Variants in ITGA9 observed in about 807,000 individuals in gnomAD.
The protein encoded by ITGA9 is integrin alpha-9.
In ITGA9, 56 loss-of-function variants were observed where a neutral mutation model predicts 127.8. The ratio of observed to expected loss-of-function variants is 0.44; its 90% CI spans 0.35 to 0.55. ITGA9 has a LOEUF of 0.55. Among genes scored for constraint, ITGA9 ranks in the 20% least tolerant of loss-of-function variants. The pLI is 0.00. For synonymous variants in ITGA9, 508 were observed against 514.5 expected, an observed-to-expected ratio of 0.99 and a Z score of 0.17; for missense variants, 1,196 against 1,347.1, an observed-to-expected ratio of 0.89 and a Z score of 1.76.
chr3:37,663,808 C>T (rs1388298579), intron 17 of ITGA9, among the ~76,000 whole-genome samples: 1 of 152,164 alleles, frequency 6.6e-6, no homozygotes, highest in Non-Finnish European at 1.5e-5. Context: ...TAACCTTGAG[C>T]AAGTTGCTTA....
At chr3:37,639,764 A>C (rs1700314643) in intron 16 of ITGA9, among the ~76,000 whole-genome samples, 1 of 152,044 alleles carries the variant, frequency 6.6e-6, no homozygotes, top group Admixed American at 6.5e-5. Context: ...AGTCTGTGTG[A>C]TACCCCCCAG....
intron 3 of ITGA9, among the ~76,000 whole-genome samples, chr3:37,478,204 C>T (rs970068459): frequency 6.6e-6 from 1 of 152,176 alleles, no homozygotes; most frequent in African/African-American, 2.4e-5. Flanking sequence ...TGCTCCCCAC[C>T]ACACACCATT....
At chr3:37,784,581 A>C (rs1697016081) in intron 25 of ITGA9, among the ~76,000 whole-genome samples, 1 of 152,228 alleles carries the variant, frequency 6.6e-6, no homozygotes, top group South Asian at 2.1e-4. Flanking sequence ...ATGCCTATAA[A>C]ATGTAGATCA....
At chr3:37,472,232 C>T (rs916790453) in intron 2 of ITGA9, among the ~76,000 whole-genome samples, 10 of 152,152 alleles carry the variant, frequency 6.6e-5, no homozygotes, top group African/African-American at 9.7e-5. Context: ...ATACCTACCT[C>T]GCAAGGATGG....
At chr3:37,523,921 C>T (rs577116417) in intron 12 of ITGA9, among the ~76,000 whole-genome samples, 14 of 152,224 alleles carry the variant, frequency 9.2e-5, no homozygotes, top group Middle Eastern at 3.4e-3. Context: ...AATAGTGAAA[C>T]CTCATGTTTT....
chr3:37,774,203 A>G (rs1482454159), intron 23 of ITGA9, among the ~76,000 whole-genome samples: 1 of 152,178 alleles, frequency 6.6e-6, no homozygotes, highest in Non-Finnish European at 1.5e-5. Context: ...CAGCTTACGT[A>G]TTGCTTTCTA....
At chr3:37,718,184 A>G (rs942087593) in intron 18 of ITGA9, among the ~76,000 whole-genome samples, 8 of 152,380 alleles carry the variant, frequency 5.3e-5, no homozygotes, top group African/African-American at 1.4e-4. Flanking sequence ...GGAATGTAAG[A>G]TGTAACAGAA....
intron 16 of ITGA9, among the ~76,000 whole-genome samples, chr3:37,653,176 G>A (rs1700445140): frequency 2.0e-5 from 3 of 152,226 alleles, no homozygotes; most frequent in Non-Finnish European, 4.4e-5. Context: ...CCCCCAGTCT[G>A]TTGTGATTCC....
At chr3:37,513,534 C>T (rs1698954607) in intron 8 of ITGA9, among the ~76,000 whole-genome samples, 1 of 151,872 alleles carries the variant, frequency 6.6e-6, no homozygotes, top group Non-Finnish European at 1.5e-5. Context: ...GTGCTGTACC[C>T]ATTAACTCGT....
chr3:37,723,630 G>A (rs547483387), intron 18 of ITGA9, among the ~76,000 whole-genome samples: 25 of 152,312 alleles, frequency 1.6e-4, no homozygotes, highest in Admixed American at 1.4e-3. Flanking sequence ...CCAAGGTGCT[G>A]GGATTACAGG....
At chr3:37,750,321 C>G in intron 22 of ITGA9, 141 bp from the exon 23 acceptor site, 1 of 668,554 alleles carries the variant, frequency 1.5e-6, no homozygotes, top group Non-Finnish European at 2.7e-6. Flanking sequence ...GTTCACTTTA[C>G]TTCAAGTTGT....
chr3:37,743,842 C>T lies in ITGA9; in HGVS notation c.2325-84C>T, dbSNP rs1159080633. On this transcript the variant is annotated intron_variant, in intron 21 of 27. Coordinates refer to ENST00000264741, the MANE Select transcript of ITGA9 (RefSeq NM_002207.3). Reference sequence around the variant, plus strand: ...TGCAAGACACTGGATTAAATTGAGACAAATGTTTGCTTCTCAGAATGGCAG... The same window carrying T: ...TGCAAGACACTGGATTAAATTGAGATAAATGTTTGCTTCTCAGAATGGCAG... The T allele has an allele frequency of 6.3e-6, 6 of 947,654 alleles. No homozygotes were observed. In the East Asian group the frequency reaches 9.6e-5, roughly 15 times the overall value. The allele number at this position is 947,654 out of a possible 1,614,324, so 58.7% of individuals were successfully genotyped here.
At chr3:37,698,024 A>G (rs1373357832) in intron 18 of ITGA9, among the ~76,000 whole-genome samples, 1 of 152,212 alleles carries the variant, frequency 6.6e-6, no homozygotes, top group Non-Finnish European at 1.5e-5. Flanking sequence ...AATGATTGCC[A>G]TTCTAACTGG....
chr3:37,560,260 G>A (rs1220345398), intron 15 of ITGA9, among the ~76,000 whole-genome samples: 1 of 152,158 alleles, frequency 6.6e-6, no homozygotes, highest in East Asian at 1.9e-4. Context: ...CTTCATCCGT[G>A]TCCCTGCAAA....
intron 15 of ITGA9, among the ~76,000 whole-genome samples, chr3:37,589,817 G>A (rs1027456249): frequency 5.3e-5 from 8 of 152,172 alleles, no homozygotes; most frequent in Non-Finnish European, 8.8e-5. Flanking sequence ...AGGCCTGACC[G>A]TGTAGGGCCT....
rs60980366 is a variant in ITGA9, at chr3:37,466,483, CAAAAAAAAAAAAAA to C, written c.186-4507_186-4494del. 4.6e-4 allele frequency among the ~76,000 whole-genome samples: 12 copies of C among 26,066 alleles called. No individual in the cohort carries two copies. The Admixed American group carries it at 4.8e-3, about 11-fold the overall frequency. 17.1% of individuals were successfully genotyped at this position (26,066 alleles called of 152,430 possible). ...TGGGTAACAGAGCAAGACACCATCTCAAAAAAAAAAAAAAAAAAAAAAAAAAAAAAGGGCCTTTG... is the reference window on the plus strand; with the variant it reads ...TGGGTAACAGAGCAAGACACCATCTCAAAAAAAAAAAAAAAAGGGCCTTTG... On this transcript the variant is annotated intron_variant, in intron 1 of 27. Coordinates refer to ENST00000264741, the MANE Select transcript of ITGA9 (RefSeq NM_002207.3).
At chr3:37,766,212 G>A (rs868250458) in intron 23 of ITGA9, among the ~76,000 whole-genome samples, 50 of 152,316 alleles carry the variant, frequency 3.3e-4, no homozygotes, top group African/African-American at 7.5e-4. Flanking sequence ...ACAGGAAAAC[G>A]CTTTTCTGAC....
At position 37,462,727 on chromosome 3, in the gene ITGA9, G is replaced by A. The variant is rs138944776; in HGVS notation, c.186-8280G>A. On this transcript the variant is annotated intron_variant, in intron 1 of 27. Coordinates refer to ENST00000264741, the MANE Select transcript of ITGA9 (RefSeq NM_002207.3). ...AAAAGGGCTTCTTCGGAGGGCATTT[G>A]TGTCTGCTCTTGGCCTTGCAGATAA... 1.1e-4 allele frequency among the ~76,000 whole-genome samples: 16 copies of A among 152,362 alleles called. No individual in the cohort carries two copies. In the East Asian group the frequency reaches 2.9e-3, roughly 28 times the overall value.
intron 26 of ITGA9, among the ~76,000 whole-genome samples, chr3:37,802,388 G>A (rs143346489): frequency 6.6e-6 from 1 of 152,166 alleles, no homozygotes; most frequent in Non-Finnish European, 1.5e-5. Flanking sequence ...GGGCTTCAGC[G>A]ATCAGTGAGG....
Sources: allele counts gnomAD v4.1 joint callset (sites outside exome capture counted in the v4.1 genomes callset), GRCh38; gene constraint gnomAD v4.1.1; transcripts MANE v1.5; gene names NCBI Gene and HGNC (gene_info 2026-07-23, HGNC 2026-07-21).